The following PATJ variants were observed in gnomAD, a reference collection of about 807,000 sequenced individuals.
PATJ encodes the protein PATJ crumbs cell polarity complex component.
In PATJ, 190 loss-of-function variants were observed where a neutral mutation model predicts 224.9. That is an observed-to-expected ratio of 0.84 (90% CI 0.75 to 0.95). The LOEUF is 0.95. PATJ is among the 40% of genes least tolerant of loss of function. The pLI is 0.00. For synonymous variants in PATJ, 769 were observed against 820.3 expected (o/e 0.94, Z 1.07); for missense variants, 2,121 against 2,270.3 (o/e 0.93, Z 1.34).
At chr1:61,964,806 TA>T (rs1681845861) in intron 27 of PATJ, among the ~76,000 whole-genome samples, 1 of 150,528 alleles carries the variant, frequency 6.6e-6, no homozygotes, top group African/African-American at 2.4e-5. Context: ...GAAAAAGAAA[TA>T]AAAAAGGTAT....
chr1:61,982,014 AGTAT>A, intron 27 of PATJ, among the ~76,000 whole-genome samples: 1 of 151,960 alleles, frequency 6.6e-6, no homozygotes, highest in South Asian at 2.1e-4. Context: ...CCTTCCTCTG[AGTAT>A]AGGGCAGGAC....
chr1:62,010,447 C>T (rs565804497), intron 28 of PATJ, among the ~76,000 whole-genome samples: 2 of 151,838 alleles, frequency 1.3e-5, no homozygotes, highest in African/African-American at 2.4e-5. Context: ...CTCCCCACCC[C>T]GCCCCAGCCT....
chr1:61,964,092 CCCTT>C (rs902391580), intron 27 of PATJ, among the ~76,000 whole-genome samples: 4 of 146,344 alleles, frequency 2.7e-5, no homozygotes, highest in East Asian at 2.2e-4. Flanking sequence ...CTCCCTCCCT[CCCTT>C]CCTTCCTTCC....
intron 16 of PATJ, among the ~76,000 whole-genome samples, chr1:61,828,258 A>AG (rs754294746): frequency 2.6e-5 from 4 of 151,644 alleles, no homozygotes; most frequent in Non-Finnish European, 4.4e-5. Flanking sequence ...AAAAAAAAAA[A>AG]GAAACTCTAT....
intron 41 of PATJ, among the ~76,000 whole-genome samples, chr1:62,143,504 G>T (rs1023127784): frequency 3.7e-4 from 46 of 123,462 alleles, no homozygotes; most frequent in Non-Finnish European, 1.6e-5. Context: ...AGGCTGAAGT[G>T]CCATGGCTTG....
intron 28 of PATJ, among the ~76,000 whole-genome samples, chr1:62,005,677 G>A (rs1646050169): frequency 6.6e-6 from 1 of 152,022 alleles, no homozygotes; most frequent in Admixed American, 6.6e-5. Flanking sequence ...AGTATTCCTT[G>A]AACCTGGGAG....
rs951868768 is a variant in PATJ, at chr1:61,975,148, A to G, written c.3671-15020A>G. Among the ~76,000 whole-genome samples the G allele has an allele frequency of 3.3e-5, 5 of 151,856 alleles. No homozygotes were observed. In the South Asian group the frequency reaches 1.0e-3, roughly 32 times the overall value. On this transcript the variant is annotated intron_variant, in intron 27 of 43. Transcript: ENST00000642238. ...TTTTTGTAAAGATGGGGGTCTCACT[A>G]TGTTTCCCAGCTGGTCTCGATCTCC...
chr1:61,954,660 C>T (rs988998580), intron 27 of PATJ, among the ~76,000 whole-genome samples: 1 of 152,046 alleles, frequency 6.6e-6, no homozygotes, highest in Non-Finnish European at 1.5e-5. Flanking sequence ...AAATATCACT[C>T]CTAAGTTTCT....
chr1:61,790,930 T>C (rs1649720414), intron 8 of PATJ, among the ~76,000 whole-genome samples: 1 of 152,202 alleles, frequency 6.6e-6, no homozygotes, highest in African/African-American at 2.4e-5. Flanking sequence ...AGATTCTTGT[T>C]CCTTGCAACT....
At chr1:61,805,359 C>T in intron 12 of PATJ, 89 bp from the exon 13 acceptor site, 1 of 772,332 alleles carries the variant, frequency 1.3e-6, no homozygotes, top group Non-Finnish European at 2.2e-6. Flanking sequence ...TGAAACTGGG[C>T]TGTTATTGAA....
chr1:62,108,477 C>G lies in PATJ; in HGVS notation c.4418C>G (p.Ala1473Gly). The G allele has an allele frequency of 6.2e-7, 1 of 1,609,964 alleles. No homozygotes were observed. The highest frequency in any genetic ancestry group is 8.5e-7 in the Non-Finnish European group (1 of 1,177,080). ...VIHEVYEEGA[A>G]ARDGRLWAGD... The stretch of plus-strand genomic sequence containing the variant: ...CATGAAGTCTATGAAGAAGGGGCAG[C>G]AGCCAGAGATGGAAGACTTTGGGCT... Residue 1473 changes from alanine to glycine, a missense_variant, in exon 34 of 44, where the codon GCA becomes GGA. By Grantham distance (60) the Ala-to-Gly change is moderately conservative (BLOSUM62 0). Transcript: ENST00000642238.
rs755151136 is a variant in PATJ at position 61,797,374 on chromosome 1, G to C, written c.1348G>C (p.Val450Leu). Residue 450 changes from valine to leucine, a missense_variant, in exon 11 of 44, where the codon GTT becomes CTT. Physicochemically the swap from Val to Leu is conservative, Grantham distance 32. Coordinates refer to ENST00000642238, the MANE Select transcript of PATJ (RefSeq NM_001350145.3). The part of the protein sequence containing the change: ...NAGQVVHLTL[V>L]RRKTSSSTSP... ...AGGGCAGGTGGTACACCTAACCCTA[G>C]TTCGAAGGAAGACATCCTCATCTAC... The C allele has an allele frequency of 4.3e-6, 7 of 1,613,984 alleles. No homozygotes were observed. In the South Asian group the frequency reaches 7.7e-5, roughly 18 times the overall value.
chr1:61,769,771 A>G (rs1017189996), intron 5 of PATJ, among the ~76,000 whole-genome samples: 9 of 152,186 alleles, frequency 5.9e-5, no homozygotes, highest in Admixed American at 2.0e-4. Flanking sequence ...ACAACTGAAC[A>G]TGGTATTTTA....
At chr1:62,063,264 C>G (rs1187240064) in intron 31 of PATJ, among the ~76,000 whole-genome samples, 3 of 152,128 alleles carry the variant, frequency 2.0e-5, no homozygotes, top group Non-Finnish European at 2.9e-5. Context: ...ACATGTGGAA[C>G]CTTTCCACAT....
chr1:62,072,987 A>G (rs10399839), intron 31 of PATJ: 16,216 of 965,384 alleles, frequency 0.017, 312 homozygotes, highest in African/African-American at 0.092. Flanking sequence ...GAGCCCTCCA[A>G]TGCTGCTAAT....
At chr1:62,123,206 T>C (rs1665289398) in intron 39 of PATJ, 148 bp downstream of exon 39, 1 of 594,032 alleles carries the variant, frequency 1.7e-6, no homozygotes, top group African/African-American at 1.9e-5. Context: ...CATCAATAAA[T>C]AGACTTAGAA....
At chr1:61,851,928 T>C (rs1435743652) in intron 17 of PATJ, among the ~76,000 whole-genome samples, 1 of 151,474 alleles carries the variant, frequency 6.6e-6, no homozygotes, top group Non-Finnish European at 1.5e-5. Flanking sequence ...ACTCAGAGGA[T>C]ATAGGGAGGC....
At chr1:62,125,236 C>CAAAAAAAAAAAAAAAAAAAAAA (rs761278812) in intron 39 of PATJ, among the ~76,000 whole-genome samples, 5 of 27,742 alleles carry the variant, frequency 1.8e-4, no homozygotes, top group African/African-American at 2.6e-4. Context: ...AACCCTGTCT[C>CAAAAAAAAAAAAAAAAAAAAAA]AAAAAAAAAA....
rs1472461606 is a variant in PATJ, at chr1:62,161,397, G to T, written c.*343G>T. ...TCTGTCACCCAGGCTGGAGTGCAAT[G>T]GCGCAATCTTGGCTCACTGCAACCT... On this transcript the variant is annotated 3_prime_UTR_variant, in exon 44 of 44. Coordinates refer to ENST00000642238, the MANE Select transcript of PATJ (RefSeq NM_001350145.3). 1.9e-5 allele frequency: 3 copies of T among 155,740 alleles called. No individual in the cohort carries two copies. The highest frequency in any genetic ancestry group is 3.7e-5 in the Non-Finnish European group (3 of 81,204). 9.6% of individuals were successfully genotyped at this position (155,740 alleles called of 1,614,324 possible). A position where few individuals can be genotyped will look rare whatever the true frequency, so the allele number is the denominator to read the frequency against.
Sources: allele counts gnomAD v4.1 joint callset (sites outside exome capture counted in the v4.1 genomes callset), GRCh38; gene constraint gnomAD v4.1.1; transcripts MANE v1.5; gene names NCBI Gene and HGNC (gene_info 2026-07-23, HGNC 2026-07-21).